The following NFATC4 variants were observed in gnomAD, a reference collection of about 807,000 sequenced individuals.
NFATC4 encodes nuclear factor of activated T-cells, cytoplasmic 4.
In NFATC4, 25 loss-of-function variants were observed where a neutral mutation model predicts 73.4. The ratio of observed to expected loss-of-function variants is 0.34; its 90% CI spans 0.25 to 0.48. The LOEUF is 0.48. Ranked by LOEUF, NFATC4 falls within the 20% of genes least tolerant of loss-of-function variation. The pLI, the probability that NFATC4 is intolerant of heterozygous loss-of-function variation, is 0.99. For synonymous variants in NFATC4, 523 were observed against 510.3 expected (o/e 1.02, Z -0.34); for missense variants, 1,130 against 1,203.7 (o/e 0.94, Z 0.91).
In NFATC4 at chr14:24,378,980, C is replaced by T. The variant is rs1594726251; in HGVS notation, c.*1275C>T. ...GTACAAATAGCTTGATTTGGCTAGG[C>T]TTGGCTGCAGGGGGACGTGCCTAAA... On this transcript the variant is annotated 3_prime_UTR_variant, in exon 10 of 10. Transcript: ENST00000250373. 6.6e-6 allele frequency: 1 copy of T among 152,228 alleles called. No homozygotes were observed. Among genetic ancestry groups the T allele is most frequent in the South Asian group, 2.1e-4 (1 of 4,830 alleles). The allele number at this position is 152,228 out of a possible 1,614,324, so 9.4% of individuals were successfully genotyped here. A position where few individuals can be genotyped will look rare whatever the true frequency, so the allele number is the denominator to read the frequency against.
rs146588289 is a variant in NFATC4, at chr14:24,376,319, G to A, written c.2082G>A (p.Pro694=). ...TGATCTGCAAAGAGGAGCCCCTACC[G>A]GACTCATCTCTGCGGGGTTTCCCTT... ...LPVICKEEPL[P]DSSLRGFPSA... is the part of the protein sequence containing the mutation. Residue 694 remains proline, a synonymous_variant, in exon 9 of 10, where the codon CCG becomes CCA. Transcript: ENST00000250373. The surrounding 1 kb of genome is among the most constrained non-coding windows in gnomAD (Gnocchi z 5.0). The A allele has an allele frequency of 6.0e-4, 958 of 1,590,240 alleles. 1 individual carries two copies. The highest frequency in any genetic ancestry group is 7.7e-4 in the Non-Finnish European group (895 of 1,168,302).
chr14:24,373,620 G>C lies in NFATC4; in HGVS notation c.1560-75G>C. On this transcript the variant is annotated intron_variant, in intron 4 of 9. Transcript: ENST00000250373. This position sits in a 1 kb window ranked among gnomAD's most constrained non-coding sequence, Gnocchi z 4.7. Reference sequence around the variant, plus strand: ...ATTCAAGGCTTTGGATGGAGGGCGGGAACTTCCCTCTTTAGGGATGTATCA... The same window carrying C: ...ATTCAAGGCTTTGGATGGAGGGCGGCAACTTCCCTCTTTAGGGATGTATCA... The C allele has an allele frequency of 3.2e-6, 5 of 1,544,680 alleles. No individual in the cohort carries two copies. Among genetic ancestry groups the C allele is most frequent in the Non-Finnish European group, 4.4e-6 (5 of 1,141,928 alleles).
chr14:24,373,875 A>G lies in NFATC4; in HGVS notation c.1732+8A>G. The G allele has an allele frequency of 6.2e-7, 1 of 1,613,912 alleles. No homozygotes were observed. The highest frequency in any genetic ancestry group is 8.5e-7 in the Non-Finnish European group (1 of 1,180,006). ...CGGTGCCCATCGAGTGCTGTGAGCA[A>G]AGAGGCCCTGGGCCATGTCTCTGTC... On this transcript the variant is annotated splice_region_variant and intron_variant, in intron 5 of 9. Transcript: ENST00000250373. This position sits in a 1 kb window ranked among gnomAD's most constrained non-coding sequence, Gnocchi z 4.7.
Position 24,376,815 on chromosome 14 carries a change from A to G in NFATC4, c.2578A>G (p.Arg860Gly). 1 of 1,605,286 alleles carries G rather than the reference A, an allele frequency of 6.2e-7. No homozygotes were observed. The highest frequency in any genetic ancestry group is 1.3e-5 in the African/African-American group (1 of 74,482). The change falls in exon 9 of 10, where the codon AGG becomes GGG. Residue 860 changes from arginine to glycine, a missense_variant. Arg to Gly is a moderately radical substitution (Grantham distance 125). Around this residue, in one of 3 missense-constraint regions of NFATC4, gnomAD observed 390 missense variants for 408.1 expected, o/e 0.96. Coordinates refer to ENST00000250373, the MANE Select transcript of NFATC4 (RefSeq NM_004554.5). This position sits in a 1 kb window ranked among gnomAD's most constrained non-coding sequence, Gnocchi z 5.0. ...GEGAPEQEKSRGGYSSGFRDS... is the reference protein window; with the variant it reads ...GEGAPEQEKSGGGYSSGFRDS... ...GGGGGCTCCGGAGCAGGAGAAATCC[A>G]GGGGTGGCTACAGCAGCGGCTTCCG...
At chr14:24,374,205 T>A (rs1011848118) in intron 5 of NFATC4, 121 bp from the exon 6 acceptor site, 2 of 1,234,526 alleles carry the variant, frequency 1.6e-6, no homozygotes, top group African/African-American at 3.0e-5. Context: ...TATTTGTGTG[T>A]CTACTGCTGA....
Position 24,369,914 on chromosome 14 carries a change from C to G in NFATC4, c.516C>G (p.Gly172=). ...GGGCCTTCTTCAGCCCAAGCCCTGG[C>G]AGCAGCAGCCTGTCCTCGTGGAGCT... The part of the protein sequence containing the change: ...GGGAFFSPSP[G]SSSLSSWSFF... The change falls in exon 2 of 10, where the codon GGC becomes GGG. Residue 172 remains glycine (G), a synonymous_variant. Coordinates refer to ENST00000250373, the MANE Select transcript of NFATC4 (RefSeq NM_004554.5). The G allele has an allele frequency of 1.2e-6, 2 of 1,612,452 alleles. No homozygotes were observed. The highest frequency in any genetic ancestry group is 1.7e-6 in the Non-Finnish European group (2 of 1,179,658).
Position 24,376,491 on chromosome 14 carries a change from A to C in NFATC4, c.2254A>C (p.Thr752Pro), listed in dbSNP as rs1295915352. The C allele has an allele frequency of 1.2e-6, 2 of 1,613,398 alleles. No individual in the cohort carries two copies. The highest frequency in any genetic ancestry group is 1.3e-5 in the African/African-American group (1 of 74,798). The change falls in exon 9 of 10, where the codon ACG becomes CCG. Residue 752 changes from threonine (T) to proline (P), a missense_variant. Physicochemically the swap from Thr to Pro is conservative, Grantham distance 38 (BLOSUM62 -1). This residue lies in a region of NFATC4 where 390 missense variants were observed against 408.1 expected (regional missense o/e 0.96). Transcript: ENST00000250373. This position sits in a 1 kb window ranked among gnomAD's most constrained non-coding sequence, Gnocchi z 5.0. ...TGGCATGCCCCCTCTGTACCCCCAG[A>C]CGGGGCCCCCACCATCCTACAGACC... ...GYGMPPLYPQ[T>P]GPPPSYRPGL...
chr14:24,374,931 C>T (rs752242315), intron 6 of NFATC4, among the ~76,000 whole-genome samples: 12 of 151,982 alleles, frequency 7.9e-5, no homozygotes, highest in Non-Finnish European at 1.8e-4. Flanking sequence ...CCTCTCCAAA[C>T]GCTGCTCACC....
At chr14:24,367,622 A>C, upstream of NFATC4, 1 of 1,536,106 alleles carries the variant, frequency 6.5e-7, no homozygotes, top group Non-Finnish European at 8.7e-7. Context: ...CAGCGCAAAG[A>C]CTTCCAGAAG....
Position 24,369,779 on chromosome 14 carries a change from G to C in NFATC4, c.381G>C (p.Pro127=), listed in dbSNP as rs765692779. ...RITSISPTPE[P]PAALEDNPDA... is the part of the protein sequence containing the mutation. ...CCTCCATCTCTCCCACGCCGGAGCC[G>C]CCAGCAGCGCTGGAGGACAACCCTG... Residue 127 remains proline, a synonymous_variant, in exon 2 of 10, where the codon CCG becomes CCC. Transcript: ENST00000250373. 2.2e-5 allele frequency: 35 copies of C among 1,595,516 alleles called. No homozygotes were observed. The highest frequency in any genetic ancestry group is 2.7e-5 in the Non-Finnish European group (32 of 1,171,078).
At chr14:24,368,015 G>T, upstream of NFATC4, 1 of 1,028,152 alleles carries the variant, frequency 9.7e-7, no homozygotes, top group Non-Finnish European at 1.2e-6. Flanking sequence ...TGAGGGGGAG[G>T]GACTGAAGAG....
chr14:24,376,276 C>CA lies in NFATC4; in HGVS notation c.2057-17dup. The CA allele has an allele frequency of 6.4e-7, 1 of 1,559,084 alleles. No homozygotes were observed. Among genetic ancestry groups the CA allele is most frequent in the Non-Finnish European group, 8.7e-7 (1 of 1,152,312 alleles). ...CAGACCTCTCACCAGCATGTCCTCC[C>CA]ACTTCCTGTCTTCCCAGTGATCTGC... is the stretch of plus-strand genomic sequence containing the variant. On this transcript the variant is annotated splice_polypyrimidine_tract_variant and intron_variant, in intron 8 of 9. Transcript: ENST00000250373. The surrounding 1 kb of genome is among the most constrained non-coding windows in gnomAD (Gnocchi z 5.0).
In NFATC4 at chr14:24,376,566, C is replaced by A; in HGVS notation, c.2329C>A (p.Pro777Thr). The A allele has an allele frequency of 6.2e-7, 1 of 1,614,036 alleles. No individual in the cohort carries two copies. Residue 777 changes from proline (P) to threonine (T), a missense_variant, in exon 9 of 10, where the codon CCA becomes ACA. By Grantham distance (38) the Pro-to-Thr change is conservative. Transcript: ENST00000250373. The surrounding 1 kb of genome is among the most constrained non-coding windows in gnomAD (Gnocchi z 5.0). Reference sequence around the variant, plus strand: ...TAGGGGTACCACAGGTTGTGCCCAACCACCTGCAGTTTCCTTCCTTCCCCG... The same window carrying A: ...TAGGGGTACCACAGGTTGTGCCCAAACACCTGCAGTTTCCTTCCTTCCCCG... Reference protein sequence around the residue: ...ETRGTTGCAQPPAVSFLPRPF... With the variant: ...ETRGTTGCAQTPAVSFLPRPF...
At chr14:24,368,163 GA>G (rs368819900), upstream of NFATC4, 526 of 1,248,056 alleles carry the variant, frequency 4.2e-4, 3 homozygotes, top group African/African-American at 7.5e-3. Flanking sequence ...AAGTTTGGGG[GA>G]AAAAAGTTTG....
At position 24,378,210 on chromosome 14, in the gene NFATC4, G is replaced by C. The variant is rs2042680265; in HGVS notation, c.*505G>C. The C allele has an allele frequency of 6.1e-6, 1 of 165,036 alleles. No homozygotes were observed. The highest frequency in any genetic ancestry group is 1.3e-5 in the Non-Finnish European group (1 of 74,138). 10.2% of individuals were successfully genotyped at this position (165,036 alleles called of 1,614,324 possible). A position where few individuals can be genotyped will look rare whatever the true frequency, so the allele number is the denominator to read the frequency against. ...TGGAGGAGGCTGGGGAAGGCATGAG[G>C]GGGCTCAGAGGCTCCTTGACTGGGA... On this transcript the variant is annotated 3_prime_UTR_variant, in exon 10 of 10. Coordinates refer to ENST00000250373, the MANE Select transcript of NFATC4 (RefSeq NM_004554.5).
intron 3 of NFATC4, 31 bp downstream of exon 3, chr14:24,372,634 C>T (rs2139294859): frequency 6.2e-7 from 1 of 1,613,100 alleles, no homozygotes; most frequent in Non-Finnish European, 8.5e-7. Flanking sequence ...CTGATATCCT[C>T]TCTCCTCTCC....
Position 24,370,186 on chromosome 14 carries a change from C to A in NFATC4, c.788C>A (p.Ala263Asp), listed in dbSNP as rs1215721517. The change falls in exon 2 of 10, where the codon GCC becomes GAC. Residue 263 changes from alanine (A) to aspartate (D), a missense_variant. Transcript: ENST00000250373. The part of the protein sequence containing the change: ...PGPTPASPRP[A>D]SPCGKRRYSS... Reference sequence around the variant, plus strand: ...CCCACCCCAGCCTCCCCGCGGCCTGCCTCTCCATGTGGCAAGCGGCGCTAT... The same window carrying A: ...CCCACCCCAGCCTCCCCGCGGCCTGACTCTCCATGTGGCAAGCGGCGCTAT... 1.2e-6 allele frequency: 2 copies of A among 1,606,768 alleles called. No homozygotes were observed. Among genetic ancestry groups the A allele is most frequent in the African/African-American group, 2.7e-5 (2 of 74,930 alleles).
Position 24,376,404 on chromosome 14 carries a change from C to A in NFATC4, c.2167C>A (p.Pro723Thr), listed in dbSNP as rs779158673. 1 of 1,613,568 alleles carries A rather than the reference C, an allele frequency of 6.2e-7. No homozygotes were observed. The highest frequency in any genetic ancestry group is 1.1e-5 in the South Asian group (1 of 91,046). ...CTTCTCACCACCCAGGCCCCCCTAC[C>A]CCTCCTATCCCCATGAAGACCCTGC... ...MDFSPPRPPY[P>T]SYPHEDPACE... The change falls in exon 9 of 10, where the codon CCC becomes ACC. Residue 723 changes from proline to threonine, a missense_variant. This residue lies in a region of NFATC4 where 390 missense variants were observed against 408.1 expected (regional missense o/e 0.96). Coordinates refer to ENST00000250373, the MANE Select transcript of NFATC4 (RefSeq NM_004554.5). The surrounding 1 kb of genome is among the most constrained non-coding windows in gnomAD (Gnocchi z 5.0).
chr14:24,377,510 G>A lies in NFATC4; in HGVS notation c.2642-128G>A. ...GGGGAAACTGAGGCCCAGTGGAATA[G>A]AAGCCAGTAGAGGAGGAATCTAGAG... On this transcript the variant is annotated intron_variant, in intron 9 of 9. Coordinates refer to ENST00000250373, the MANE Select transcript of NFATC4 (RefSeq NM_004554.5). This position sits in a 1 kb window ranked among gnomAD's most constrained non-coding sequence, Gnocchi z 4.2. 1.3e-6 allele frequency: 2 copies of A among 1,500,662 alleles called. No homozygotes were observed. Among genetic ancestry groups the A allele is most frequent in the Non-Finnish European group, 1.8e-6 (2 of 1,127,080 alleles). The allele number at this position is 1,500,662 out of a possible 1,614,324, so 93.0% of individuals were successfully genotyped here. A position where few individuals can be genotyped will look rare whatever the true frequency, so the allele number is the denominator to read the frequency against.
Sources: allele counts gnomAD v4.1 joint callset (sites outside exome capture counted in the v4.1 genomes callset), GRCh38; gene constraint gnomAD v4.1.1; regional missense constraint gnomAD v4.1.1; non-coding constraint Gnocchi (gnomAD v3.1); transcripts MANE v1.5; gene names NCBI Gene and HGNC (gene_info 2026-07-23, HGNC 2026-07-21).